The following KPNA1 variants were observed in gnomAD, a reference collection of about 807,000 sequenced individuals.
KPNA1 encodes the protein karyopherin subunit alpha 1.
In KPNA1, 10 loss-of-function variants were observed where a neutral mutation model predicts 70.5. That is an observed-to-expected ratio of 0.14 (90% CI 0.09 to 0.24). The LOEUF is 0.24. Among genes scored for constraint, KPNA1 ranks in the 10% least tolerant of loss-of-function variants. KPNA1 has a pLI of 1.00. For missense variants in KPNA1, 397 were observed against 637.9 expected (o/e 0.62, Z 4.07); for synonymous variants, 192 against 221.9 (o/e 0.87, Z 1.20).
At chr3:122,503,787 G>C (rs974945058) in intron 1 of KPNA1, among the ~76,000 whole-genome samples, 1 of 152,172 alleles carries the variant, frequency 6.6e-6, no homozygotes, top group African/African-American at 2.4e-5. Flanking sequence ...CACACTTGGT[G>C]ATGGTGTGTA....
Position 122,486,690 on chromosome 3 carries a change from C to T in KPNA1, c.129+9747G>A, listed in dbSNP as rs1267907833. On this transcript the variant is annotated intron_variant, in intron 2 of 13. Coordinates refer to ENST00000344337, the MANE Select transcript of KPNA1 (RefSeq NM_002264.4). ...GCAAGCTCCACCTCCCAGGTTCACG[C>T]CATTCTCCTGCCTCAGCCTCCCAAG... is the stretch of plus-strand genomic sequence containing the variant. 1.3e-5 allele frequency among the ~76,000 whole-genome samples: 2 copies of T among 152,098 alleles called. 1 individual carries two copies. Among genetic ancestry groups the T allele is most frequent in the Non-Finnish European group, 2.9e-5 (2 of 68,026 alleles).
At chr3:122,509,683 G>A (rs934695854) in intron 1 of KPNA1, among the ~76,000 whole-genome samples, 7 of 152,110 alleles carry the variant, frequency 4.6e-5, no homozygotes, top group African/African-American at 1.7e-4. Flanking sequence ...ATCAAGGAAT[G>A]TACCAACCAC....
intron 2 of KPNA1, among the ~76,000 whole-genome samples, chr3:122,483,845 C>T (rs1321724914): frequency 2.0e-5 from 3 of 152,148 alleles, no homozygotes; most frequent in Non-Finnish European, 4.4e-5. Context: ...GAGGCTCTGA[C>T]ATTCCATAGA....
chr3:122,499,762 G>GA (rs56295442), intron 1 of KPNA1, among the ~76,000 whole-genome samples: 21,697 of 116,784 alleles, frequency 0.19, 1,738 homozygotes, highest in East Asian at 0.4. Flanking sequence ...GTCTCTTCAA[G>GA]AAAAAAAAAA....
In KPNA1 at chr3:122,427,349, T is replaced by C. The variant is rs1023448470; in HGVS notation, c.1430-177A>G. 13 of 729,786 alleles carry C rather than the reference T, an allele frequency of 1.8e-5. No individual in the cohort carries two copies. In the East Asian group the frequency reaches 2.2e-4, roughly 12 times the overall value. The allele number at this position is 729,786 out of a possible 1,614,324, so 45.2% of individuals were successfully genotyped here. ...CACAGAAATGACTGCTGGGATTACA[T>C]CTGAAAGCTAGTATTATAAACTGAC... On this transcript the variant is annotated intron_variant, in intron 13 of 13. Transcript: ENST00000344337.
chr3:122,453,207 G>C (rs1468041509), intron 6 of KPNA1, among the ~76,000 whole-genome samples: 2 of 152,156 alleles, frequency 1.3e-5, no homozygotes, highest in Admixed American at 1.3e-4. Context: ...AGCCTCCCAA[G>C]TGCTGGAATT....
At chr3:122,499,250 C>A (rs6809584) in intron 1 of KPNA1, among the ~76,000 whole-genome samples, 2 of 152,126 alleles carry the variant, frequency 1.3e-5, no homozygotes, top group Non-Finnish European at 2.9e-5. Context: ...AGAGCAGACA[C>A]CCCTGTCTTA....
chr3:122,479,159 T>TA (rs748783091), intron 2 of KPNA1, among the ~76,000 whole-genome samples: 2 of 151,968 alleles, frequency 1.3e-5, no homozygotes, highest in African/African-American at 4.8e-5. Context: ...CCAAAATATA[T>TA]AAAAAACTTA....
At chr3:122,509,503 A>G (rs1326273014) in intron 1 of KPNA1, among the ~76,000 whole-genome samples, 1 of 152,194 alleles carries the variant, frequency 6.6e-6, no homozygotes. Context: ...AAAATGTGGT[A>G]GATCTGCATT....
intron 4 of KPNA1, among the ~76,000 whole-genome samples, chr3:122,462,845 C>T (rs1289398577): frequency 6.6e-6 from 1 of 152,112 alleles, no homozygotes; most frequent in Admixed American, 6.5e-5. Flanking sequence ...TTACTACCAA[C>T]GTTATAATCG....
chr3:122,430,402 ATT>A (rs1348073070), intron 12 of KPNA1, among the ~76,000 whole-genome samples: 7 of 152,204 alleles, frequency 4.6e-5, no homozygotes, highest in African/African-American at 1.7e-4. Context: ...ACTGATTTAT[ATT>A]AATTAGCCTA....
chr3:122,433,563 T>C (rs1463249414), intron 12 of KPNA1, 98 bp downstream of exon 12: 2 of 989,828 alleles, frequency 2.0e-6, no homozygotes, highest in Admixed American at 5.6e-5. Context: ...CAAAGGCAGC[T>C]AATCTTTTAC....
At chr3:122,433,123 G>A (rs1170830091) in intron 12 of KPNA1, 1 of 152,208 alleles carries the variant, frequency 6.6e-6, no homozygotes, top group Non-Finnish European at 1.5e-5. Flanking sequence ...TTTAAGTCTT[G>A]AGCTGCTACA....
intron 3 of KPNA1, among the ~76,000 whole-genome samples, chr3:122,465,335 C>T (rs917871538): frequency 3.3e-5 from 5 of 152,206 alleles, no homozygotes; most frequent in Non-Finnish European, 5.9e-5. Context: ...ATTGCCTAGC[C>T]TAGCCTACCT....
chr3:122,493,893 GTTTTAAC>G (rs1410041144), intron 2 of KPNA1, among the ~76,000 whole-genome samples: 1 of 152,084 alleles, frequency 6.6e-6, no homozygotes, highest in Non-Finnish European at 1.5e-5. Flanking sequence ...CCTCATTATA[GTTTTAAC>G]TTTTATTTAT....
chr3:122,505,507 T>A (rs1015523252), intron 1 of KPNA1, among the ~76,000 whole-genome samples: 1 of 152,110 alleles, frequency 6.6e-6, no homozygotes, highest in Admixed American at 6.5e-5. Context: ...CCTAAGCAAA[T>A]ATTTTTAGGT....
At chr3:122,443,392 A>T (rs999774183) in intron 9 of KPNA1, among the ~76,000 whole-genome samples, 5 of 152,230 alleles carry the variant, frequency 3.3e-5, no homozygotes, top group African/African-American at 1.2e-4. Context: ...GCTGAACAAA[A>T]GGCAGCAGAC....
In KPNA1 at chr3:122,444,989, C is replaced by T. The variant is rs183547019; in HGVS notation, c.918-2873G>A. On this transcript the variant is annotated intron_variant, in intron 9 of 13. Coordinates refer to ENST00000344337, the MANE Select transcript of KPNA1 (RefSeq NM_002264.4). ...CTGAAAATTCTAAAAACCAGAGCGC[C>T]TGTTTTCCTCCAAAAGATCGCAGCT... Among the ~76,000 whole-genome samples the T allele has an allele frequency of 4.4e-3, 677 of 152,326 alleles. 3 individuals carry two copies. The highest frequency in any genetic ancestry group is 7.7e-3 in the Non-Finnish European group (524 of 68,032).
chr3:122,496,751 T>A (rs1376983435), intron 1 of KPNA1, 181 bp from the exon 2 acceptor site: 1 of 463,474 alleles, frequency 2.2e-6, no homozygotes, highest in Non-Finnish European at 3.9e-6. Flanking sequence ...CCACCCGGAC[T>A]GGAGTACAGT....
Sources: gnomAD v4.1 joint callset for allele counts (sites outside exome capture counted in the v4.1 genomes callset) on GRCh38, gnomAD v4.1.1 for gene constraint, MANE v1.5 for transcripts, NCBI Gene and HGNC (gene_info 2026-07-23, HGNC 2026-07-21) for gene names.